PDZD2: variants seen among roughly 807,000 people sequenced by gnomAD.
PDZD2 encodes PDZ domain-containing protein 2.
Under a neutral mutation model 220.7 loss-of-function variants are expected in PDZD2, and 90 were observed. The ratio of observed to expected loss-of-function variants is 0.41; its 90% confidence interval spans 0.34 to 0.49. The LOEUF is 0.49. PDZD2 is among the 20% of genes least tolerant of loss of function. PDZD2 has a pLI of 0.28. For missense variants in PDZD2, 3,174 were observed against 3,608.5 expected (o/e 0.88, Z 3.08); for synonymous variants, 1,375 against 1,450.5 (o/e 0.95, Z 1.18).
intron 3 of PDZD2, among the ~76,000 whole-genome samples, chr5:31,993,297 C>T (rs1198727539): frequency 6.6e-6 from 1 of 152,190 alleles, no homozygotes; most frequent in Admixed American, 6.5e-5. Context: ...AGACAGGCTT[C>T]ATTTGACTGT....
chr5:32,034,549 T>TG (rs1755381937), intron 6 of PDZD2, among the ~76,000 whole-genome samples: 2 of 151,862 alleles, frequency 1.3e-5, no homozygotes, highest in South Asian at 4.2e-4. Context: ...TTTGTAGAAG[T>TG]GGGGTTTCAC....
chr5:31,808,885 C>T (rs1370540311), intron 2 of PDZD2, among the ~76,000 whole-genome samples: 1 of 151,828 alleles, frequency 6.6e-6, no homozygotes, highest in African/African-American at 2.4e-5. Context: ...GAGGCTGAGG[C>T]AGGAGAATCG....
chr5:31,942,715 CACATG>C (rs1746309180), intron 2 of PDZD2, among the ~76,000 whole-genome samples: 1 of 152,218 alleles, frequency 6.6e-6, no homozygotes, highest in East Asian at 1.9e-4. Flanking sequence ...CAAACACATT[CACATG>C]GTTTGTTTTT....
intron 2 of PDZD2, among the ~76,000 whole-genome samples, chr5:31,890,025 C>G (rs953259402): frequency 9.9e-5 from 15 of 151,016 alleles, no homozygotes; most frequent in Non-Finnish European, 1.8e-4. Flanking sequence ...ACTGTCCCCC[C>G]TCCAAAAGCA....
At chr5:31,890,490 A>C (rs1304821381) in intron 2 of PDZD2, among the ~76,000 whole-genome samples, 1 of 152,100 alleles carries the variant, frequency 6.6e-6, no homozygotes. Flanking sequence ...GAAGAAACCA[A>C]ATGAATGGTT....
At chr5:31,947,648 A>T (rs1033677342) in intron 2 of PDZD2, among the ~76,000 whole-genome samples, 3 of 152,156 alleles carry the variant, frequency 2.0e-5, no homozygotes, top group Non-Finnish European at 4.4e-5. Flanking sequence ...CAGCTTAAAA[A>T]TTTTTTAAAA....
chr5:31,889,956 G>T (rs1211093374), intron 2 of PDZD2, among the ~76,000 whole-genome samples: 1 of 152,000 alleles, frequency 6.6e-6, no homozygotes, highest in African/African-American at 2.4e-5. Flanking sequence ...CGGGGGGGCA[G>T]AGGTTGCAGT....
chr5:32,096,420 C>T (rs552391304), intron 21 of PDZD2, among the ~76,000 whole-genome samples: 7 of 152,056 alleles, frequency 4.6e-5, no homozygotes, highest in African/African-American at 1.7e-4. Flanking sequence ...TGGGTTCAAG[C>T]GATTCTCCTG....
intron 1 of PDZD2, among the ~76,000 whole-genome samples, chr5:31,705,266 T>C (rs1396958128): frequency 6.6e-6 from 1 of 151,930 alleles, no homozygotes; most frequent in Non-Finnish European, 1.5e-5. Flanking sequence ...TACCGTCTAC[T>C]CCCAAGGAAG....
At chr5:31,675,670 A>G (rs1352581401) in intron 1 of PDZD2, among the ~76,000 whole-genome samples, 1 of 152,124 alleles carries the variant, frequency 6.6e-6, no homozygotes, top group Non-Finnish European at 1.5e-5. Context: ...ATCAGTCCTT[A>G]TCAGCATTCT....
At chr5:32,012,966 T>C (rs1298524503) in intron 6 of PDZD2, among the ~76,000 whole-genome samples, 6 of 152,120 alleles carry the variant, frequency 3.9e-5, no homozygotes, top group Admixed American at 3.3e-4. Context: ...ACTATGTAAA[T>C]GTTTTTGACC....
chr5:31,958,947 G>C (rs909690400), intron 2 of PDZD2, among the ~76,000 whole-genome samples: 5 of 148,780 alleles, frequency 3.4e-5, no homozygotes, highest in Non-Finnish European at 5.9e-5. Context: ...TTGATTGATT[G>C]ATTGAGATGG....
intron 2 of PDZD2, among the ~76,000 whole-genome samples, chr5:31,932,427 T>TA (rs540969259): frequency 2.3e-3 from 351 of 152,162 alleles, no homozygotes; most frequent in Non-Finnish European, 3.1e-3. Flanking sequence ...CGTGTGCCTG[T>TA]AATCCCAGGT....
In PDZD2 at chr5:31,995,532, T is replaced by G. The variant is rs200191496; in HGVS notation, c.979-44T>G. The G allele has an allele frequency of 4.7e-5, 75 of 1,612,096 alleles. No homozygotes were observed. In the East Asian group the frequency reaches 1.2e-3, roughly 25 times the overall value. On this transcript the variant is annotated intron_variant, in intron 3 of 24. Coordinates refer to ENST00000438447, the MANE Select transcript of PDZD2 (RefSeq NM_178140.4). ...TCCGTTCTCCTGTGTCAATGCCGTG[T>G]GTCTGTCAACCTCCTTCATGGTGTG...
chr5:31,839,101 A>G (rs1181083303), intron 2 of PDZD2, among the ~76,000 whole-genome samples: 1 of 152,160 alleles, frequency 6.6e-6, no homozygotes, highest in Non-Finnish European at 1.5e-5. Flanking sequence ...ATTGTTGTTA[A>G]CTGCAGAAAG....
chr5:31,733,033 G>A (rs1377352153), intron 1 of PDZD2, among the ~76,000 whole-genome samples: 2 of 152,182 alleles, frequency 1.3e-5, no homozygotes, highest in Non-Finnish European at 2.9e-5. Context: ...CCGGCCGGGA[G>A]CAGCTTTTTA....
rs1017028588 is a variant in PDZD2, at chr5:31,983,495, C to T, written c.817C>T (p.Leu273Phe). The T allele has an allele frequency of 1.9e-6, 3 of 1,614,078 alleles. No homozygotes were observed. The highest frequency in any genetic ancestry group is 1.7e-6 in the Non-Finnish European group (2 of 1,180,054). The part of the protein sequence containing the change: ...VFQLENGPDS[L>F]KEVAGPHLER... ...TCAGCTAGAAAATGGCCCAGATTCT[C>T]TCAAGGAGGTGGCTGGACCCCATCT... The change falls in exon 3 of 25, where the codon CTC (leucine) becomes TTC (phenylalanine). Residue 273 changes from leucine (L) to phenylalanine (F), a missense_variant. Physicochemically the swap from Leu to Phe is conservative, Grantham distance 22 (BLOSUM62 0). Around this residue, in one of 4 missense-constraint regions of PDZD2, gnomAD observed 632 missense variants for 708.1 expected, o/e 0.89. Coordinates refer to ENST00000438447, the MANE Select transcript of PDZD2 (RefSeq NM_178140.4).
intron 1 of PDZD2, among the ~76,000 whole-genome samples, chr5:31,641,172 C>T (rs555231108): frequency 1.3e-5 from 2 of 152,246 alleles, no homozygotes; most frequent in Non-Finnish European, 2.9e-5. Flanking sequence ...GATGCTCCCT[C>T]GCTGCTGTCA....
chr5:31,770,704 ACCAG>A (rs1752289000), intron 1 of PDZD2, among the ~76,000 whole-genome samples: 24 of 151,008 alleles, frequency 1.6e-4, no homozygotes, highest in East Asian at 5.9e-4. Flanking sequence ...GTAAATGGAA[ACCAG>A]CGGCTGGGAG....
Sources: allele counts gnomAD v4.1 joint callset (sites outside exome capture counted in the v4.1 genomes callset), GRCh38; gene constraint gnomAD v4.1.1; regional missense constraint gnomAD v4.1.1; transcripts MANE v1.5; gene names NCBI Gene and HGNC (gene_info 2026-07-23, HGNC 2026-07-21).